The following CTNNA2 variants were observed in gnomAD, a reference collection of about 807,000 sequenced individuals.
The protein encoded by CTNNA2 is catenin alpha 2.
A neutral mutation model predicts 101.0 loss-of-function variants in CTNNA2; 42 were observed. That is an observed-to-expected ratio of 0.42 (90% confidence interval 0.32 to 0.54). The LOEUF is 0.54. CTNNA2 is among the 20% of genes least tolerant of loss of function. CTNNA2 has a pLI of 0.14. For missense variants in CTNNA2, 871 were observed against 1,223.1 expected (o/e 0.71, Z 4.29); for synonymous variants, 450 against 456.4 (o/e 0.99, Z 0.18).
chr2:80,162,842 G>A (rs1342160398), intron 7 of CTNNA2: 2 of 1,595,966 alleles, frequency 1.3e-6, no homozygotes, highest in Non-Finnish European at 1.7e-6. Context: ...CTGGAGAAGA[G>A]AAAGATCTCT....
intron 7 of CTNNA2, among the ~76,000 whole-genome samples, chr2:80,017,789 A>G (rs1694261559): frequency 6.6e-6 from 1 of 152,106 alleles, no homozygotes. Context: ...CTTCTGGTTT[A>G]ACTTTTTATT....
intron 7 of CTNNA2, among the ~76,000 whole-genome samples, chr2:80,043,219 TCAGA>T (rs1696296028): frequency 6.8e-6 from 1 of 146,382 alleles, no homozygotes; most frequent in African/African-American, 2.5e-5. Context: ...TTTTTTTTTT[TCAGA>T]GTCTTGCTCT....
intron 9 of CTNNA2, among the ~76,000 whole-genome samples, chr2:80,537,221 C>T (rs899054850): frequency 1.3e-5 from 2 of 152,162 alleles, no homozygotes; most frequent in South Asian, 4.1e-4. Context: ...TGATGGCTTT[C>T]AGCTTCATCC....
At chr2:79,722,268 A>G (rs149739531) in intron 2 of CTNNA2, among the ~76,000 whole-genome samples, 8 of 152,294 alleles carry the variant, frequency 5.3e-5, no homozygotes, top group Admixed American at 3.3e-4. Context: ...TTGTTTTATT[A>G]AGCCAAATAT....
At chr2:79,221,005 TTTG>T (rs1674337720) in intron 2 of CTNNA2, among the ~76,000 whole-genome samples, 2 of 152,214 alleles carry the variant, frequency 1.3e-5, no homozygotes, top group Non-Finnish European at 2.9e-5. Context: ...GTTGGGAGAC[TTTG>T]TTAACTCAGC....
At chr2:79,646,192 C>T (rs1680800600) in intron 1 of CTNNA2, among the ~76,000 whole-genome samples, 2 of 152,224 alleles carry the variant, frequency 1.3e-5, no homozygotes. Flanking sequence ...AGGAGAATTT[C>T]TGCAGTGAAC....
intron 7 of CTNNA2, among the ~76,000 whole-genome samples, chr2:79,916,528 TCCCC>T (rs1686218191): frequency 5.7e-4 from 3 of 5,230 alleles, no homozygotes; most frequent in Non-Finnish European, 9.0e-4. Context: ...CCCCCTCCCC[TCCCC>T]TCCCCTCCCC....
At chr2:79,496,709 A>C (rs771634527) in intron 4 of CTNNA2, among the ~76,000 whole-genome samples, 1 of 151,890 alleles carries the variant, frequency 6.6e-6, no homozygotes, top group African/African-American at 2.4e-5. Flanking sequence ...GTACATATAT[A>C]TAATTTTATA....
chr2:80,306,394 CTTTTCTTTTCTTT>C lies in CTNNA2; in HGVS notation c.1057-86816_1057-86804del, dbSNP rs1313329574. 2.3e-5 allele frequency among the ~76,000 whole-genome samples: 3 copies of C among 129,418 alleles called. 1 individual carries two copies. The highest frequency in any genetic ancestry group is 4.9e-4 in the South Asian group (2 of 4,066). The allele number at this position is 129,418 out of a possible 152,430, so 84.9% of individuals were successfully genotyped here. ...TTCTTTCTTTCTTTTCTTTTCTTTT[CTTTTCTTTTCTTT>C]CTTTCTTTCTTTCTTTCTTTCTTTC... On this transcript the variant is annotated intron_variant, in intron 7 of 18. Transcript: ENST00000402739.
At chr2:79,935,988 T>C (rs143885026) in intron 7 of CTNNA2, among the ~76,000 whole-genome samples, 1 of 152,348 alleles carries the variant, frequency 6.6e-6, no homozygotes, top group African/African-American at 2.4e-5. Context: ...TTGAGCAATC[T>C]GCATGCTGAT....
intron 17 of CTNNA2, among the ~76,000 whole-genome samples, chr2:80,614,676 T>A (rs75308776): frequency 0.028 from 4,262 of 151,632 alleles, 74 homozygotes; most frequent in African/African-American, 0.034. Context: ...AGATTTTTTT[T>A]AAATAATTTA....
chr2:80,490,988 G>A (rs1243183679), intron 9 of CTNNA2, among the ~76,000 whole-genome samples: 1 of 152,196 alleles, frequency 6.6e-6, no homozygotes, highest in Non-Finnish European at 1.5e-5. Context: ...TTGATAAATT[G>A]TTTCTGAAGT....
At chr2:79,486,945 A>C (rs1671164166) in intron 4 of CTNNA2, among the ~76,000 whole-genome samples, 1 of 152,244 alleles carries the variant, frequency 6.6e-6, no homozygotes, top group South Asian at 2.1e-4. Flanking sequence ...CTACTTTAAC[A>C]AATCATGCTA....
At chr2:80,466,476 C>G (rs569544246) in intron 9 of CTNNA2, among the ~76,000 whole-genome samples, 1 of 152,248 alleles carries the variant, frequency 6.6e-6, no homozygotes, top group South Asian at 2.1e-4. Context: ...CTTGGCAAAG[C>G]ACATTTCTTT....
chr2:80,101,224 A>G (rs1220058242), intron 7 of CTNNA2, among the ~76,000 whole-genome samples: 1 of 152,188 alleles, frequency 6.6e-6, no homozygotes, highest in African/African-American at 2.4e-5. Flanking sequence ...GAAAATGTCC[A>G]TTTTGATGCA....
At chr2:80,294,853 G>A (rs1260812331) in intron 7 of CTNNA2, among the ~76,000 whole-genome samples, 4 of 152,042 alleles carry the variant, frequency 2.6e-5, no homozygotes, top group South Asian at 4.2e-4. Flanking sequence ...CTCATAACAC[G>A]AGGGAAAATA....
intron 4 of CTNNA2, among the ~76,000 whole-genome samples, chr2:79,866,897 C>A (rs1002066383): frequency 1.3e-5 from 2 of 152,178 alleles, no homozygotes; most frequent in Non-Finnish European, 2.9e-5. Context: ...TTAATGAAGA[C>A]GTGAGGATTG....
At position 80,555,724 on chromosome 2, in the gene CTNNA2, T is replaced by G; in HGVS notation, c.1572T>G (p.Cys524Trp). 1 of 1,569,926 alleles carries G rather than the reference T, an allele frequency of 6.4e-7. No individual in the cohort carries two copies. The highest frequency in any genetic ancestry group is 8.6e-7 in the Non-Finnish European group (1 of 1,158,012). Reference protein sequence around the residue: ...ENHILEDVNKCVIALQEGDVD... With the variant: ...ENHILEDVNKWVIALQEGDVD... Reference sequence around the variant, plus strand: ...ACATCTTGGAGGATGTGAACAAGTGTGTGATAGCCCTCCAAGAGGGCGATG... The same window carrying G: ...ACATCTTGGAGGATGTGAACAAGTGGGTGATAGCCCTCCAAGAGGGCGATG... Residue 524 changes from cysteine to tryptophan, a missense_variant, in exon 12 of 19, where the codon TGT becomes TGG. Transcript: ENST00000402739.
Position 80,408,960 on chromosome 2 carries a change from C to T in CTNNA2, c.1138-10489C>T, listed in dbSNP as rs950947740. 2.6e-5 allele frequency among the ~76,000 whole-genome samples: 4 copies of T among 152,218 alleles called. No individual in the cohort carries two copies. The East Asian group carries it at 5.8e-4, about 22-fold the overall frequency. On this transcript the variant is annotated intron_variant, in intron 8 of 18. Transcript: ENST00000402739. ...TACAAACTGCACCCTTCACCCACACCGTGACATTGTAAGGAAGGTCAAATG... is the reference window on the plus strand; with the variant it reads ...TACAAACTGCACCCTTCACCCACACTGTGACATTGTAAGGAAGGTCAAATG...
Sources: gnomAD v4.1 joint callset for allele counts (sites outside exome capture counted in the v4.1 genomes callset) on GRCh38, gnomAD v4.1.1 for gene constraint, MANE v1.5 for transcripts, NCBI Gene and HGNC (gene_info 2026-07-23, HGNC 2026-07-21) for gene names.